The following PISD variants were observed in gnomAD, a reference collection of about 807,000 sequenced individuals.
PISD encodes phosphatidylserine decarboxylase.
PISD carries 31 observed loss-of-function variants against 43.5 expected under a neutral mutation model. That is an observed-to-expected ratio of 0.71 (90% CI 0.54 to 0.96). The LOEUF is 0.96. PISD is among the 40% of genes least tolerant of loss of function. The probability of loss-of-function intolerance (pLI) is 0.00; values close to 1 mark genes in which losing one functional copy is unlikely to be tolerated. For missense variants in PISD, 523 were observed against 548.4 expected (o/e 0.95, Z 0.46); for synonymous variants, 259 against 228.7 (o/e 1.13, Z -1.20).
At chr22:31,653,576 T>G (rs2074090045) in intron 1 of PISD, among the ~76,000 whole-genome samples, 1 of 152,236 alleles carries the variant, frequency 6.6e-6, no homozygotes, top group Non-Finnish European at 1.5e-5. Flanking sequence ...CTCAGCTTTT[T>G]GTCCACCGCT....
chr22:31,621,169 C>G (rs1332315692), intron 5 of PISD, 27 bp from the exon 6 acceptor site: 1 of 1,613,960 alleles, frequency 6.2e-7, no homozygotes, highest in Non-Finnish European at 8.5e-7. Flanking sequence ...GACGTGGGGG[C>G]CACCAACACA....
At chr22:31,640,403 C>G (rs971053601) in intron 3 of PISD, among the ~76,000 whole-genome samples, 1 of 151,792 alleles carries the variant, frequency 6.6e-6, no homozygotes, top group Non-Finnish European at 1.5e-5. Flanking sequence ...CACCACGTTG[C>G]GCGGATTGGT....
At position 31,640,880 on chromosome 22, in the gene PISD, G is replaced by GTTTTTTTTTTTTTTTTTTTTTTTTT. The variant is rs1214973570; in HGVS notation, c.321+7220_321+7221insAAAAAAAAAAAAAAAAAAAAAAAAA. On this transcript the variant is annotated intron_variant, in intron 3 of 7. Coordinates refer to ENST00000439502, the MANE Select transcript of PISD (RefSeq NM_001326411.2). ...ACAGGCATGAGCCACCACACCCGGT[G>GTTTTTTTTTTTTTTTTTTTTTTTTT]TTTTTTTTTTTTTTTTTTTTTTTTG... Among the ~76,000 whole-genome samples, 4 of 24,600 alleles carry GTTTTTTTTTTTTTTTTTTTTTTTTT rather than the reference G, an allele frequency of 1.6e-4. 1 individual carries two copies. The highest frequency in any genetic ancestry group is 2.0e-4 in the Non-Finnish European group (3 of 15,252). 16.1% of individuals were successfully genotyped at this position (24,600 alleles called of 152,430 possible).
rs745807486 is a variant in PISD, at chr22:31,623,668, G to A, written c.322-1783C>T. On this transcript the variant is annotated intron_variant, in intron 3 of 7. Transcript: ENST00000439502. ...CGGAAGGGAGGTCCGAGCCACAGGG[G>A]CCTGTGCACACTTACCCTGCTTACG... 7 of 1,608,890 alleles carry A rather than the reference G, an allele frequency of 4.4e-6. No homozygotes were observed. The Admixed American group carries it at 6.7e-5, about 15-fold the overall frequency.
chr22:31,650,912 GATAAGAAA>G, intron 1 of PISD, 134 bp from the exon 2 acceptor site: 1 of 544,264 alleles, frequency 1.8e-6, no homozygotes, highest in Non-Finnish European at 3.3e-6. Flanking sequence ...CTGTACTGTA[GATAAGAAA>G]ATGTCCTTGT....
intron 1 of PISD, among the ~76,000 whole-genome samples, chr22:31,659,015 A>G (rs150561378): frequency 7.8e-4 from 118 of 151,818 alleles, no homozygotes; most frequent in Non-Finnish European, 1.5e-3. Flanking sequence ...CACTATGACC[A>G]GCTAATTTTT....
At chr22:31,620,755 G>T (rs545580972) in intron 6 of PISD, 42 bp from the exon 7 acceptor site, 10 of 1,609,152 alleles carry the variant, frequency 6.2e-6, no homozygotes, top group South Asian at 1.1e-5. Flanking sequence ...TCCAGAGCCC[G>T]GTGTGTCCAC....
Position 31,646,503 on chromosome 22 carries a change from G to A in PISD, c.321+1598C>T, listed in dbSNP as rs867062787. On this transcript the variant is annotated intron_variant, in intron 3 of 7. Coordinates refer to ENST00000439502, the MANE Select transcript of PISD (RefSeq NM_001326411.2). The stretch of plus-strand genomic sequence containing the variant: ...CAGCAGATACTAAAAAACTACTGGC[G>A]TTGGTCTTTTATGATTTTGGAAGTG... Among the ~76,000 whole-genome samples the A allele has an allele frequency of 9.8e-5, 15 of 152,286 alleles. No homozygotes were observed. The South Asian group carries it at 2.7e-3, about 27-fold the overall frequency.
At chr22:31,651,282 CA>C (rs1363365566) in intron 1 of PISD, among the ~76,000 whole-genome samples, 5 of 152,080 alleles carry the variant, frequency 3.3e-5, no homozygotes, top group Admixed American at 2.0e-4. Context: ...GGCTTAAAAG[CA>C]AAAGGTCATC....
At position 31,619,322 on chromosome 22, in the gene PISD, C is replaced by CT. The variant is rs2072342951; in HGVS notation, c.*289dup. On this transcript the variant is annotated 3_prime_UTR_variant, in exon 8 of 8. Coordinates refer to ENST00000439502, the MANE Select transcript of PISD (RefSeq NM_001326411.2). ...CGGTCAGGAATGCAGGCTCTTCCGTCTATACAGTGTTTAAAAAGATCCAAA... is the reference window on the plus strand; with the variant it reads ...CGGTCAGGAATGCAGGCTCTTCCGTCTTATACAGTGTTTAAAAAGATCCAAA... 4.5e-6 allele frequency: 2 copies of CT among 442,462 alleles called. No homozygotes were observed. Among genetic ancestry groups the CT allele is most frequent in the African/African-American group, 4.0e-5 (2 of 50,046 alleles). 27.4% of individuals were successfully genotyped at this position (442,462 alleles called of 1,614,324 possible). A position where few individuals can be genotyped will look rare whatever the true frequency, so the allele number is the denominator to read the frequency against.
At chr22:31,633,508 G>A (rs1473922718) in intron 3 of PISD, among the ~76,000 whole-genome samples, 3 of 152,100 alleles carry the variant, frequency 2.0e-5, no homozygotes, top group African/African-American at 4.8e-5. Context: ...GAGGTCAGGA[G>A]ATCGAGACCA....
intron 2 of PISD, among the ~76,000 whole-genome samples, chr22:31,648,887 A>G (rs2073958314): frequency 6.6e-6 from 1 of 152,184 alleles, no homozygotes; most frequent in Non-Finnish European, 1.5e-5. Flanking sequence ...AAAGAGGTCA[A>G]GAAACTAATC....
intron 3 of PISD, chr22:31,625,613 GC>G (rs1006862212): frequency 4.2e-6 from 4 of 946,244 alleles, no homozygotes; most frequent in Admixed American, 2.3e-5. Flanking sequence ...GGGTGCTCAG[GC>G]CCCCCAGGCC....
At chr22:31,635,723 C>T (rs185688766) in intron 3 of PISD, among the ~76,000 whole-genome samples, 3 of 152,274 alleles carry the variant, frequency 2.0e-5, no homozygotes, top group East Asian at 3.9e-4. Context: ...GCCACCGTTC[C>T]GCCCTCTGCG....
intron 1 of PISD, among the ~76,000 whole-genome samples, chr22:31,651,575 C>T (rs571525425): frequency 6.6e-6 from 1 of 152,096 alleles, no homozygotes; most frequent in African/African-American, 2.4e-5. Context: ...ATGGAGAAAC[C>T]CCATCTCTAC....
intron 1 of PISD, among the ~76,000 whole-genome samples, chr22:31,652,274 G>A (rs940931979): frequency 1.3e-5 from 2 of 151,926 alleles, no homozygotes; most frequent in African/African-American, 4.8e-5. Context: ...TGGAATTACA[G>A]GCGCATGCCA....
At chr22:31,622,127 A>G (rs1252729442) in intron 3 of PISD, among the ~76,000 whole-genome samples, 1 of 152,240 alleles carries the variant, frequency 6.6e-6, no homozygotes, top group African/African-American at 2.4e-5. Context: ...ATTTCATGCA[A>G]AAGTCAAATA....
chr22:31,636,058 C>T (rs941022038), intron 3 of PISD, among the ~76,000 whole-genome samples: 1 of 152,234 alleles, frequency 6.6e-6, no homozygotes, highest in Non-Finnish European at 1.5e-5. Context: ...GTACATCGCT[C>T]ACCAACATGG....
At chr22:31,629,165 C>G in intron 3 of PISD, 1 of 985,292 alleles carries the variant, frequency 1.0e-6, no homozygotes, top group Non-Finnish European at 1.2e-6. Context: ...CAACTGAAGT[C>G]GATGAATGAC....
Sources: allele counts gnomAD v4.1 joint callset (sites outside exome capture counted in the v4.1 genomes callset), GRCh38; gene constraint gnomAD v4.1.1; transcripts MANE v1.5; gene names NCBI Gene and HGNC (gene_info 2026-07-23, HGNC 2026-07-21).